CMKLR2: variants seen among roughly 807,000 people sequenced by gnomAD.
The protein encoded by CMKLR2 is chemerin chemokine-like receptor 2, also known as chemerin-like receptor 2.
In CMKLR2, 18 loss-of-function variants were observed where a neutral mutation model predicts 23.0. The ratio of observed to expected loss-of-function variants is 0.78; its 90% confidence interval spans 0.54 to 1.16. The LOEUF is 1.16. Among genes scored for constraint, CMKLR2 ranks in the 50% most tolerant of loss-of-function variants. The pLI, the probability that CMKLR2 is intolerant of heterozygous loss-of-function variation, is 0.00. For synonymous variants in CMKLR2, 158 were observed against 158.9 expected (o/e 0.99, Z 0.05); for missense variants, 401 against 412.7 (o/e 0.97, Z 0.25).
Position 206,177,125 on chromosome 2 carries a change from G to A in CMKLR2, c.123C>T (p.Ser41=). The A allele has an allele frequency of 3.7e-6, 6 of 1,614,036 alleles. No homozygotes were observed. The highest frequency in any genetic ancestry group is 5.1e-6 in the Non-Finnish European group (6 of 1,179,950). The change falls in exon 2 of 2, where the codon TCC becomes TCT. Residue 41 remains serine, a synonymous_variant. Coordinates refer to ENST00000621141, the MANE Select transcript of CMKLR2 (RefSeq NM_001389445.1). ...KVQLGVVHWV[S]LVLYCLAFVL... is the part of the protein sequence containing the mutation. ...CAAAAGCCAAACAATATAACACCAG[G>A]GAGACCCAGTGAACAACTCCCAGCT...
intron 1 of CMKLR2, among the ~76,000 whole-genome samples, chr2:206,205,322 C>T (rs1260968259): frequency 1.3e-5 from 2 of 152,056 alleles, no homozygotes; most frequent in African/African-American, 4.8e-5. Flanking sequence ...TAACTTACTG[C>T]ATTTTGGGAA....
intron 1 of CMKLR2, among the ~76,000 whole-genome samples, chr2:206,203,185 G>T (rs866690396): frequency 1.5e-5 from 2 of 136,992 alleles, no homozygotes; most frequent in Non-Finnish European, 3.2e-5. Context: ...AAAATTAGCC[G>T]GGCATGGTGG....
upstream of CMKLR2, among the ~76,000 whole-genome samples, chr2:206,214,550 T>G (rs1263399732): frequency 6.6e-6 from 1 of 152,156 alleles, no homozygotes; most frequent in Non-Finnish European, 1.5e-5. Flanking sequence ...GCATGGAGCT[T>G]GAAGGTAGGC....
At chr2:206,184,117 T>G (rs984449580) in intron 1 of CMKLR2, among the ~76,000 whole-genome samples, 7 of 152,178 alleles carry the variant, frequency 4.6e-5, no homozygotes, top group African/African-American at 1.7e-4. Context: ...TTGGCCTTCC[T>G]TGGCTTGTAC....
upstream of CMKLR2, among the ~76,000 whole-genome samples, chr2:206,214,599 A>C (rs551943863): frequency 1.3e-5 from 2 of 151,784 alleles, no homozygotes; most frequent in Admixed American, 6.6e-5. Context: ...ACGGCTAGCT[A>C]TCTTTATTTT....
rs1576050041 is a variant in CMKLR2, at chr2:206,192,288, A to T, written c.-28-15013T>A. On this transcript the variant is annotated intron_variant, in intron 1 of 1. Transcript: ENST00000621141. The stretch of plus-strand genomic sequence containing the variant: ...AGCTACCGGGACTGGCGTTCTCTTT[A>T]AAAAAAAAAATTTATTTATTTTTTT... Among the ~76,000 whole-genome samples, 7 of 146,414 alleles carry T rather than the reference A, an allele frequency of 4.8e-5. 1 individual carries two copies. The highest frequency in any genetic ancestry group is 1.7e-4 in the African/African-American group (7 of 40,406).
At chr2:206,189,647 A>AAAAAG (rs565178023) in intron 1 of CMKLR2, among the ~76,000 whole-genome samples, 2 of 152,054 alleles carry the variant, frequency 1.3e-5, no homozygotes, top group Non-Finnish European at 2.9e-5. Context: ...AAGAAAAAAA[A>AAAAAG]AAAAGAAAAG....
rs538022764 is a variant in CMKLR2, at chr2:206,210,730, G to A, written c.-29+2577C>T. On this transcript the variant is annotated intron_variant, in intron 1 of 1. Transcript: ENST00000621141. ...TCTGCCTCAGCCTCCCAAAATGCTC[G>A]GATTACACGCATGAGCCACCGTGCC... 5.9e-5 allele frequency among the ~76,000 whole-genome samples: 9 copies of A among 152,116 alleles called. No homozygotes were observed. In the East Asian group the frequency reaches 9.7e-4, roughly 16 times the overall value.
chr2:206,194,814 C>T (rs1006763441), intron 1 of CMKLR2, among the ~76,000 whole-genome samples: 5 of 132,772 alleles, frequency 3.8e-5, no homozygotes, highest in Non-Finnish European at 7.7e-5. Flanking sequence ...AGTGCAGTGG[C>T]ACAATCTCGG....
intron 1 of CMKLR2, among the ~76,000 whole-genome samples, chr2:206,190,082 T>C (rs564234106): frequency 6.6e-6 from 1 of 152,166 alleles, no homozygotes; most frequent in African/African-American, 2.4e-5. Flanking sequence ...TGGGAGGTGG[T>C]AGAACAACCC....
At chr2:206,192,954 T>C (rs188653933) in intron 1 of CMKLR2, among the ~76,000 whole-genome samples, 22 of 152,282 alleles carry the variant, frequency 1.4e-4, no homozygotes, top group African/African-American at 5.1e-4. Flanking sequence ...TCTAATACAA[T>C]GTAAATGCTA....
At chr2:206,186,363 G>A (rs1453248809) in intron 1 of CMKLR2, among the ~76,000 whole-genome samples, 1 of 151,978 alleles carries the variant, frequency 6.6e-6, no homozygotes, top group Non-Finnish European at 1.5e-5. Context: ...CGCCTGCCTC[G>A]GCCTCTCAAA....
intron 1 of CMKLR2, among the ~76,000 whole-genome samples, chr2:206,207,994 CCCCT>C (rs1331761442): frequency 6.6e-6 from 1 of 151,944 alleles, no homozygotes; most frequent in Non-Finnish European, 1.5e-5. Flanking sequence ...CTCACTTCGG[CCCCT>C]CAAAGTGCTG....
chr2:206,187,288 AAAT>A (rs2105810015), intron 1 of CMKLR2, among the ~76,000 whole-genome samples: 1 of 152,306 alleles, frequency 6.6e-6, no homozygotes, highest in Non-Finnish European at 1.5e-5. Flanking sequence ...CCATCTCAAA[AAAT>A]AAAATAAAAA....
intron 1 of CMKLR2, among the ~76,000 whole-genome samples, chr2:206,188,378 G>A (rs934777712): frequency 2.0e-5 from 3 of 152,184 alleles, no homozygotes; most frequent in Admixed American, 2.0e-4. Flanking sequence ...GCCAGGATAA[G>A]GCTTTTCGAC....
At chr2:206,192,106 G>A (rs993114554) in intron 1 of CMKLR2, among the ~76,000 whole-genome samples, 1 of 151,022 alleles carries the variant, frequency 6.6e-6, no homozygotes, top group Non-Finnish European at 1.5e-5. Flanking sequence ...GCCTCCCAAA[G>A]TGCTGGGATT....
chr2:206,205,304 C>T (rs1004997363), intron 1 of CMKLR2, among the ~76,000 whole-genome samples: 10 of 152,008 alleles, frequency 6.6e-5, no homozygotes, highest in Non-Finnish European at 1.5e-4. Flanking sequence ...AATAGCTAAA[C>T]TTTTTTTTAA....
chr2:206,195,499 C>T (rs999854121), intron 1 of CMKLR2, among the ~76,000 whole-genome samples: 1 of 152,174 alleles, frequency 6.6e-6, no homozygotes, highest in African/African-American at 2.4e-5. Context: ...CTGGATGCTG[C>T]TGGCTGGGGA....
chr2:206,188,122 C>T (rs2105811100), intron 1 of CMKLR2, among the ~76,000 whole-genome samples: 1 of 152,144 alleles, frequency 6.6e-6, no homozygotes, highest in Non-Finnish European at 1.5e-5. Context: ...TTAGTAGAGA[C>T]AAGGTTTTGC....
Sources: gnomAD v4.1 joint callset for allele counts (sites outside exome capture counted in the v4.1 genomes callset) on GRCh38, gnomAD v4.1.1 for gene constraint, MANE v1.5 for transcripts, NCBI Gene and HGNC (gene_info 2026-07-23, HGNC 2026-07-21) for gene names.